Variants in CDK19 observed in about 807,000 individuals in gnomAD.
CDK19 encodes the protein cyclin dependent kinase 19.
In CDK19, 20 loss-of-function variants were observed where a neutral mutation model predicts 68.3. The ratio of observed to expected loss-of-function variants is 0.29; its 90% confidence interval spans 0.21 to 0.43. The LOEUF (loss-of-function observed/expected upper bound fraction) is 0.43, where lower values mean the gene tolerates loss of function less well. Among genes scored for constraint, CDK19 ranks in the 20% least tolerant of loss-of-function variants. CDK19 has a pLI of 1.00. For missense variants in CDK19, 339 were observed against 623.5 expected (o/e 0.54, Z 4.86); for synonymous variants, 221 against 222.8 (o/e 0.99, Z 0.07).
intron 2 of CDK19, among the ~76,000 whole-genome samples, chr6:110,713,543 A>C (rs535474431): frequency 1.0e-4 from 15 of 149,902 alleles, no homozygotes; most frequent in Non-Finnish European, 2.2e-4. Context: ...AGTAGCTAGG[A>C]CTACTACCAC....
intron 2 of CDK19, among the ~76,000 whole-genome samples, chr6:110,718,443 G>GGGAGGC (rs968630471): frequency 2.6e-5 from 4 of 152,214 alleles, no homozygotes; most frequent in African/African-American, 9.6e-5. Context: ...GCCTGGCCTG[G>GGGAGGC]GGAGGCAGTA....
At chr6:110,761,240 G>GC (rs1429736246) in intron 1 of CDK19, among the ~76,000 whole-genome samples, 1 of 152,102 alleles carries the variant, frequency 6.6e-6, no homozygotes, top group Non-Finnish European at 1.5e-5. Flanking sequence ...ATGCTACCCT[G>GC]CCCAGCACAC....
At chr6:110,707,501 C>T (rs192228617) in intron 2 of CDK19, among the ~76,000 whole-genome samples, 46 of 152,208 alleles carry the variant, frequency 3.0e-4, no homozygotes, top group Admixed American at 2.5e-3. Flanking sequence ...TGTATATGCA[C>T]ACAAACATAC....
In CDK19 at chr6:110,783,719, G is replaced by T. The variant is rs115320854; in HGVS notation, c.128+31290C>A. On this transcript the variant is annotated intron_variant, in intron 1 of 12. Coordinates refer to ENST00000368911, the MANE Select transcript of CDK19 (RefSeq NM_015076.5). ...ACAAAACTCTAAGAAGAAAACAAAGGAGTAAATCTTTGCAACCTTGGATCA... is the reference window on the plus strand; with the variant it reads ...ACAAAACTCTAAGAAGAAAACAAAGTAGTAAATCTTTGCAACCTTGGATCA... Among the ~76,000 whole-genome samples the T allele has an allele frequency of 3.2e-3, 485 of 151,640 alleles. 2 individuals are homozygous for T. Among genetic ancestry groups the T allele is most frequent in the African/African-American group, 0.011 (455 of 41,376 alleles).
chr6:110,766,165 C>A (rs1220295243), intron 1 of CDK19, among the ~76,000 whole-genome samples: 1 of 152,184 alleles, frequency 6.6e-6, no homozygotes, highest in African/African-American at 2.4e-5. Context: ...TATTGCAGCA[C>A]TATTCACAAT....
chr6:110,699,356 C>T (rs763345881), intron 2 of CDK19, among the ~76,000 whole-genome samples: 6 of 146,082 alleles, frequency 4.1e-5, no homozygotes, highest in Non-Finnish European at 5.9e-5. Flanking sequence ...ACACAGGAGG[C>T]GGAGGTTGCA....
chr6:110,764,753 C>T (rs1265334329), intron 1 of CDK19, among the ~76,000 whole-genome samples: 2 of 151,958 alleles, frequency 1.3e-5, no homozygotes, highest in Non-Finnish European at 2.9e-5. Flanking sequence ...AAGTTCAAGA[C>T]CACCCTGGCC....
At chr6:110,731,781 A>G (rs190079230) in intron 2 of CDK19, among the ~76,000 whole-genome samples, 2 of 152,268 alleles carry the variant, frequency 1.3e-5, no homozygotes, top group East Asian at 3.9e-4. Flanking sequence ...CTATTTGCAT[A>G]GACTATCCTA....
At chr6:110,640,529 A>C (rs2114774563) in intron 4 of CDK19, among the ~76,000 whole-genome samples, 1 of 152,334 alleles carries the variant, frequency 6.6e-6, no homozygotes, top group Non-Finnish European at 1.5e-5. Flanking sequence ...AAAGGGTGGT[A>C]AAGATTTTAC....
At chr6:110,713,782 G>C (rs1220604434) in intron 2 of CDK19, among the ~76,000 whole-genome samples, 1 of 152,146 alleles carries the variant, frequency 6.6e-6, no homozygotes, top group Non-Finnish European at 1.5e-5. Flanking sequence ...TTGGGAGGTT[G>C]AGGCAGGAGG....
chr6:110,752,615 A>G (rs1474167273), intron 1 of CDK19, among the ~76,000 whole-genome samples: 1 of 152,248 alleles, frequency 6.6e-6, no homozygotes, highest in Non-Finnish European at 1.5e-5. Context: ...AAACATCACC[A>G]AAATACAGTA....
intron 4 of CDK19, among the ~76,000 whole-genome samples, chr6:110,660,646 A>G (rs1311627324): frequency 6.6e-6 from 1 of 152,158 alleles, no homozygotes; most frequent in Non-Finnish European, 1.5e-5. Context: ...ATCTCCCCCA[A>G]AGTCCAGCCA....
chr6:110,813,836 A>G (rs539521776), intron 1 of CDK19: 40 of 152,356 alleles, frequency 2.6e-4, no homozygotes, highest in African/African-American at 8.4e-4. Flanking sequence ...AAATTTTACT[A>G]ATGTCATTGT....
rs1783504041 is a variant in CDK19 at position 110,814,967 on chromosome 6, C to T, written c.128+42G>A. The T allele has an allele frequency of 3.8e-6, 6 of 1,596,424 alleles. No individual in the cohort carries two copies. In the Admixed American group the frequency reaches 1.0e-4, roughly 27 times the overall value. On this transcript the variant is annotated intron_variant, in intron 1 of 12. Transcript: ENST00000368911. ...CCATCCCGCCAGGTCGCGGGCAGGG[C>T]GAGGACCCGAGCGAGCCTACTCCTC...
intron 12 of CDK19, among the ~76,000 whole-genome samples, chr6:110,620,607 T>C (rs190107343): frequency 2.0e-5 from 3 of 152,312 alleles, no homozygotes; most frequent in East Asian, 1.9e-4. Context: ...ACAAAAAGTA[T>C]TTTCTAGTCT....
At chr6:110,814,236 G>A (rs1182007485) in intron 1 of CDK19, 4 of 278,934 alleles carry the variant, frequency 1.4e-5, no homozygotes, top group East Asian at 1.4e-4. Flanking sequence ...TGGAGTGGAG[G>A]ACATAATACC....
chr6:110,766,203 T>A (rs547188886), intron 1 of CDK19, among the ~76,000 whole-genome samples: 15 of 152,180 alleles, frequency 9.9e-5, no homozygotes, highest in Non-Finnish European at 2.1e-4. Context: ...AACCTAAACA[T>A]CCTTCAAGAG....
intron 12 of CDK19, among the ~76,000 whole-genome samples, chr6:110,615,051 T>G (rs1201569165): frequency 6.6e-6 from 1 of 152,230 alleles, no homozygotes; most frequent in African/African-American, 2.4e-5. Flanking sequence ...GTATTCATAA[T>G]GTATACTGAC....
At chr6:110,783,290 T>A (rs1282563765) in intron 1 of CDK19, among the ~76,000 whole-genome samples, 1 of 152,186 alleles carries the variant, frequency 6.6e-6, no homozygotes, top group East Asian at 1.9e-4. Context: ...TTACTTCAAG[T>A]GTTGCAAATT....
Sources: gnomAD v4.1 joint callset for allele counts (sites outside exome capture counted in the v4.1 genomes callset) on GRCh38, gnomAD v4.1.1 for gene constraint, MANE v1.5 for transcripts, NCBI Gene and HGNC (gene_info 2026-07-23, HGNC 2026-07-21) for gene names.